Variants in SLC1A3 observed in about 807,000 individuals in gnomAD.
SLC1A3 encodes excitatory amino acid transporter 1.
A neutral mutation model predicts 48.1 loss-of-function variants in SLC1A3; 21 were observed. That is an observed-to-expected ratio of 0.44 (90% CI 0.31 to 0.63). The LOEUF (loss-of-function observed/expected upper bound fraction) is 0.63. SLC1A3 is among the 20% of genes least tolerant of loss of function. The probability of loss-of-function intolerance (pLI) is 0.08; values close to 1 mark genes in which losing one functional copy is unlikely to be tolerated. For synonymous variants in SLC1A3, 239 were observed against 251.4 expected (o/e 0.95, Z 0.47); for missense variants, 546 against 689.0 (o/e 0.79, Z 2.32).
At chr5:36,637,230 G>A (rs1356300330) in intron 3 of SLC1A3, among the ~76,000 whole-genome samples, 1 of 152,190 alleles carries the variant, frequency 6.6e-6, no homozygotes, top group African/African-American at 2.4e-5. Context: ...GCAGGCCAAG[G>A]TTGGGTCCGC....
chr5:36,686,349 C>T lies in SLC1A3; in HGVS notation c.*80C>T, dbSNP rs1042441069. On this transcript the variant is annotated 3_prime_UTR_variant, in exon 10 of 10. Coordinates refer to ENST00000265113, the MANE Select transcript of SLC1A3 (RefSeq NM_004172.5). Reference sequence around the variant, plus strand: ...TCTTTCCATCTCATTACAGCTCATTCGCTCCAGCAAGCCCGTCATCTTCCC... The same window carrying T: ...TCTTTCCATCTCATTACAGCTCATTTGCTCCAGCAAGCCCGTCATCTTCCC... 4.0e-5 allele frequency: 44 copies of T among 1,086,734 alleles called. No individual in the cohort carries two copies. The highest frequency in any genetic ancestry group is 4.8e-5 in the Non-Finnish European group (34 of 703,838). The allele number at this position is 1,086,734 out of a possible 1,614,324, so 67.3% of individuals were successfully genotyped here.
chr5:36,651,447 C>A (rs1459053232), intron 3 of SLC1A3, among the ~76,000 whole-genome samples: 1 of 152,148 alleles, frequency 6.6e-6, no homozygotes, highest in Non-Finnish European at 1.5e-5. Flanking sequence ...ACTCTGGGCT[C>A]ATTCCCCACA....
At chr5:36,626,451 T>C (rs946297253) in intron 2 of SLC1A3, among the ~76,000 whole-genome samples, 10 of 152,238 alleles carry the variant, frequency 6.6e-5, no homozygotes, top group African/African-American at 2.4e-4. Flanking sequence ...AACAGCCAAC[T>C]TGGATATGAA....
intron 3 of SLC1A3, among the ~76,000 whole-genome samples, chr5:36,634,551 T>C (rs750643613): frequency 7.2e-5 from 11 of 152,204 alleles, no homozygotes; most frequent in Non-Finnish European, 1.2e-4. Flanking sequence ...ACTGTCCAGC[T>C]TCTTCCTGAA....
chr5:36,597,502 A>G (rs1738759184), intron 1 of SLC1A3, among the ~76,000 whole-genome samples: 1 of 151,974 alleles, frequency 6.6e-6, no homozygotes, highest in Non-Finnish European at 1.5e-5. Flanking sequence ...TCGGCCTCCC[A>G]AAGTGCTGGG....
chr5:36,662,913 C>T (rs1300975192), intron 3 of SLC1A3, among the ~76,000 whole-genome samples: 1 of 152,218 alleles, frequency 6.6e-6, no homozygotes, highest in Admixed American at 6.5e-5. Flanking sequence ...GAGAGGCAGT[C>T]TCCACCCCAA....
intron 3 of SLC1A3, among the ~76,000 whole-genome samples, chr5:36,643,323 T>C (rs1324024122): frequency 2.0e-5 from 3 of 152,220 alleles, no homozygotes; most frequent in Non-Finnish European, 4.4e-5. Context: ...ACACTTCTTA[T>C]TATCTGTCTT....
intron 2 of SLC1A3, among the ~76,000 whole-genome samples, chr5:36,620,959 G>T (rs1739639655): frequency 1.3e-5 from 2 of 151,696 alleles, no homozygotes; most frequent in Admixed American, 1.3e-4. Flanking sequence ...AGGCTGGAGT[G>T]CAGTGGTGCA....
At chr5:36,636,506 T>TCTC (rs1561255354) in intron 3 of SLC1A3, 5 of 82,938 alleles carry the variant, frequency 6.0e-5, no homozygotes, top group African/African-American at 2.0e-4. Context: ...TTTCTTTCTT[T>TCTC]TTCTTTCTTT....
intron 3 of SLC1A3, among the ~76,000 whole-genome samples, chr5:36,644,957 T>C (rs1740776207): frequency 6.6e-6 from 1 of 152,196 alleles, no homozygotes; most frequent in Admixed American, 6.5e-5. Flanking sequence ...CTCAGGAATG[T>C]GGATGCTAAA....
chr5:36,640,559 G>C (rs1008083820), intron 3 of SLC1A3, among the ~76,000 whole-genome samples: 4 of 152,186 alleles, frequency 2.6e-5, no homozygotes, highest in African/African-American at 9.7e-5. Flanking sequence ...TACCAAGCCA[G>C]TTTCCTCTCA....
At chr5:36,606,353 G>A (rs1352989623), upstream of SLC1A3, 1 of 152,234 alleles carries the variant, frequency 6.6e-6, no homozygotes, top group Admixed American at 6.5e-5. Flanking sequence ...CCGATTGTGT[G>A]CGCTTTATTT....
intron 2 of SLC1A3, among the ~76,000 whole-genome samples, chr5:36,628,755 G>A (rs1456099804): frequency 6.6e-6 from 1 of 152,158 alleles, no homozygotes; most frequent in Non-Finnish European, 1.5e-5. Flanking sequence ...GGAAAATTAA[G>A]GGGAAAATTG....
intron 3 of SLC1A3, among the ~76,000 whole-genome samples, chr5:36,658,236 AG>A (rs1349459471): frequency 6.6e-6 from 1 of 152,214 alleles, no homozygotes; most frequent in African/African-American, 2.4e-5. Context: ...CGAGAGCAGA[AG>A]AAGCCTTAAG....
chr5:36,628,184 T>G (rs1739988006), intron 2 of SLC1A3, among the ~76,000 whole-genome samples: 1 of 152,222 alleles, frequency 6.6e-6, no homozygotes, highest in South Asian at 2.1e-4. Flanking sequence ...TGGATTTTTT[T>G]TAGCCACGTA....
chr5:36,648,877 A>G (rs2111837665), intron 3 of SLC1A3, among the ~76,000 whole-genome samples: 1 of 152,330 alleles, frequency 6.6e-6, no homozygotes, highest in Non-Finnish European at 1.5e-5. Context: ...AAAAAAATAT[A>G]AAAGCAAAAA....
At chr5:36,614,806 C>T (rs545432940) in intron 2 of SLC1A3, among the ~76,000 whole-genome samples, 49 of 152,180 alleles carry the variant, frequency 3.2e-4, no homozygotes, top group African/African-American at 1.2e-3. Flanking sequence ...CTGGCTGGAA[C>T]CCTGAGAGAA....
chr5:36,619,748 TTTTA>T (rs1204426556), intron 2 of SLC1A3, among the ~76,000 whole-genome samples: 8 of 152,208 alleles, frequency 5.3e-5, no homozygotes, highest in African/African-American at 1.9e-4. Flanking sequence ...AAATAGAAAT[TTTTA>T]TTTGATTTCT....
rs1050502360 is a variant in SLC1A3 at position 36,687,287 on chromosome 5, T to C, written c.*1018T>C. The C allele has an allele frequency of 6.6e-6, 1 of 152,252 alleles. No homozygotes were observed. The highest frequency in any genetic ancestry group is 1.5e-5 in the Non-Finnish European group (1 of 68,052). 9.4% of individuals were successfully genotyped at this position (152,252 alleles called of 1,614,324 possible). A position where few individuals can be genotyped will look rare whatever the true frequency, so the allele number is the denominator to read the frequency against. ...GAAGACTAGCAGCTAGCAAGGGTGC[T>C]TGTGGTCACACTGTGGAACACTAAA... On this transcript the variant is annotated 3_prime_UTR_variant, in exon 10 of 10. Transcript: ENST00000265113.
Sources: allele counts gnomAD v4.1 joint callset (sites outside exome capture counted in the v4.1 genomes callset), GRCh38; gene constraint gnomAD v4.1.1; transcripts MANE v1.5; gene names NCBI Gene and HGNC (gene_info 2026-07-23, HGNC 2026-07-21).